Variants in MLH3 observed in about 807,000 individuals in gnomAD.
MLH3 encodes mutL homolog 3, also known as DNA mismatch repair protein Mlh3.
In MLH3, 82 loss-of-function variants were observed where a neutral mutation model predicts 122.2. That is an observed-to-expected ratio of 0.67 (90% CI 0.56 to 0.81). The LOEUF (loss-of-function observed/expected upper bound fraction) is 0.81. Among genes scored for constraint, MLH3 ranks in the 30% least tolerant of loss-of-function variants. The pLI, the probability that MLH3 is intolerant of heterozygous loss-of-function variation, is 0.00. For synonymous variants in MLH3, 524 were observed against 599.5 expected, an observed-to-expected ratio of 0.87 and a Z score of 1.84; for missense variants, 1,539 against 1,714.5, an observed-to-expected ratio of 0.90 and a Z score of 1.81.
chr14:75,028,270 T>G (rs1890790032), intron 9 of MLH3, among the ~76,000 whole-genome samples: 1 of 152,186 alleles, frequency 6.6e-6, no homozygotes. Flanking sequence ...ACTCTCCTGC[T>G]TAAAAGTTTT....
intron 6 of MLH3, among the ~76,000 whole-genome samples, chr14:75,035,408 G>A (rs1891339316): frequency 1.3e-5 from 2 of 152,126 alleles, no homozygotes; most frequent in Non-Finnish European, 2.9e-5. Context: ...TGTAATTCCA[G>A]CTACTTGGAA....
chr14:75,048,307 T>C lies in MLH3; in HGVS notation c.1349A>G (p.His450Arg). 6.2e-7 allele frequency: 1 copy of C among 1,614,122 alleles called. No individual in the cohort carries two copies. The change falls in exon 2 of 13, where the codon CAT becomes CGT. Residue 450 changes from histidine to arginine, a missense_variant. His to Arg is a conservative substitution (Grantham distance 29, BLOSUM62 0). Coordinates refer to ENST00000355774, the MANE Select transcript of MLH3 (RefSeq NM_001040108.2). ...TAAAGATGGCTCTGTCATTTTGCTA[T>C]GGCCTGGACCACCTGATTCATAAAT... ...LYIYESGGPG[H>R]SKMTEPSLQN...
In MLH3 at chr14:75,016,885, C is replaced by T. The variant is rs905081588; in HGVS notation, c.*197G>A. On this transcript the variant is annotated 3_prime_UTR_variant, in exon 13 of 13. Transcript: ENST00000355774. ...TGCAAATGAATGAATTGTCTTTAGG[C>T]TTGAATTTCATCTGGCTACTCAACT... 2.3e-5 allele frequency: 14 copies of T among 617,024 alleles called. No individual in the cohort carries two copies. The highest frequency in any genetic ancestry group is 3.8e-5 in the Non-Finnish European group (13 of 342,872). 38.2% of individuals were successfully genotyped at this position (617,024 alleles called of 1,614,324 possible). A position where few individuals can be genotyped will look rare whatever the true frequency, so the allele number is the denominator to read the frequency against.
At chr14:75,045,805 C>T (rs1318942549) in intron 2 of MLH3, among the ~76,000 whole-genome samples, 2 of 152,038 alleles carry the variant, frequency 1.3e-5, no homozygotes, top group African/African-American at 4.8e-5. Flanking sequence ...TACCCATCAC[C>T]CCCTTTCTTA....
intron 9 of MLH3, among the ~76,000 whole-genome samples, chr14:75,025,180 T>TTA (rs1441576108): frequency 1.3e-5 from 2 of 152,190 alleles, no homozygotes; most frequent in Admixed American, 6.5e-5. Flanking sequence ...TCCCAACCAC[T>TTA]TCTAACCTTT....
intron 4 of MLH3, among the ~76,000 whole-genome samples, chr14:75,040,700 TGAG>T (rs1891794416): frequency 6.6e-6 from 1 of 152,136 alleles, no homozygotes; most frequent in African/African-American, 2.4e-5. Context: ...GAAAATACAC[TGAG>T]GAGAGAACAT....
chr14:75,022,832 C>T lies in MLH3; in HGVS notation c.4072G>A (p.Ala1358Thr), dbSNP rs2139326967. ...GGCTTACCATGGCAGGCTTGGGATG[C>T]CAACACCTTCTGGACAGTCAGTGGC... ...TLPLTVQKVLASQACHGAIKF... is the reference protein window; with the variant it reads ...TLPLTVQKVLTSQACHGAIKF... The change falls in exon 11 of 13, where the codon GCA becomes ACA. Residue 1358 changes from alanine (A) to threonine (T), a missense_variant. Transcript: ENST00000355774. 6.2e-7 allele frequency: 1 copy of T among 1,614,066 alleles called. No homozygotes were observed. Among genetic ancestry groups the T allele is most frequent in the East Asian group, 2.2e-5 (1 of 44,878 alleles).
intron 2 of MLH3, among the ~76,000 whole-genome samples, chr14:75,044,337 T>C (rs1313157481): frequency 6.6e-6 from 1 of 152,232 alleles, no homozygotes; most frequent in Non-Finnish European, 1.5e-5. Context: ...GTTAAAGTGT[T>C]TTAAACGTCT....
chr14:75,035,062 C>CAAAAAAAAAAAAA (rs36096670), intron 6 of MLH3, among the ~76,000 whole-genome samples: 31 of 40,202 alleles, frequency 7.7e-4, no homozygotes, highest in Non-Finnish European at 1.0e-3. Flanking sequence ...GACTCCATCT[C>CAAAAAAAAAAAAA]AAAAAAAAAA....
chr14:75,031,815 C>T (rs904971108), intron 8 of MLH3, among the ~76,000 whole-genome samples: 1 of 151,898 alleles, frequency 6.6e-6, no homozygotes, highest in Non-Finnish European at 1.5e-5. Context: ...CCATGTCTCA[C>T]AAAATAAATA....
chr14:75,040,220 C>A (rs933073560), intron 4 of MLH3, among the ~76,000 whole-genome samples: 1 of 151,336 alleles, frequency 6.6e-6, no homozygotes, highest in Non-Finnish European at 1.5e-5. Context: ...GAGGCTGAGG[C>A]GGGCAGATCA....
chr14:75,038,068 T>G (rs1305762383), intron 6 of MLH3, among the ~76,000 whole-genome samples: 2 of 152,118 alleles, frequency 1.3e-5, no homozygotes, highest in African/African-American at 4.8e-5. Context: ...CCCAGCTAAT[T>G]TTTGTATTTT....
chr14:75,019,045 G>A, intron 11 of MLH3, 65 bp from the exon 12 acceptor site: 2 of 1,404,302 alleles, frequency 1.4e-6, no homozygotes, highest in Non-Finnish European at 2.0e-6. Flanking sequence ...CTGACCTTGG[G>A]TCACTGCCAA....
rs1595056532 is a variant in MLH3, at chr14:75,033,418, C to T, written c.3715+1G>A. ...TTTTCTGGCTGCAAACAGATCCTTA[C>T]CAATGATAAGCTGCTCCAGACGTAT... On this transcript the variant is annotated splice_donor_variant, in intron 7 of 12. Transcript: ENST00000355774. LOFTEE classifies it high-confidence loss of function. 1 of 1,614,002 alleles carries T rather than the reference C, an allele frequency of 6.2e-7. No individual in the cohort carries two copies. The highest frequency in any genetic ancestry group is 8.5e-7 in the Non-Finnish European group (1 of 1,179,928).
In MLH3 at chr14:75,015,179, C is replaced by T. The variant is rs528862907; in HGVS notation, c.*1903G>A. On this transcript the variant is annotated 3_prime_UTR_variant, in exon 13 of 13. Transcript: ENST00000355774. The stretch of plus-strand genomic sequence containing the variant: ...AGTTAAAAACAACATAAAACCCTAA[C>T]AGGCGATAAAGGTAATCTATTAGAT... 5.7e-5 allele frequency: 10 copies of T among 175,858 alleles called. No individual in the cohort carries two copies. Among genetic ancestry groups the T allele is most frequent in the African/African-American group, 2.4e-4 (10 of 42,312 alleles). The allele number at this position is 175,858 out of a possible 1,614,324, so 10.9% of individuals were successfully genotyped here.
Position 75,049,045 on chromosome 14 carries a change from G to A in MLH3, c.611C>T (p.Thr204Ile), listed in dbSNP as rs1407051217. Residue 204 changes from threonine to isoleucine, a missense_variant, in exon 2 of 13, where the codon ACC (threonine) becomes ATC (isoleucine). Thr to Ile is a moderately conservative substitution (Grantham distance 89). Coordinates refer to ENST00000355774, the MANE Select transcript of MLH3 (RefSeq NM_001040108.2). Reference sequence around the variant, plus strand: ...ACAAAATCGGGAACATACGTCTTTGGTTTTAGGGAGCTGAAGAACCATGGA... The same window carrying A: ...ACAAAATCGGGAACATACGTCTTTGATTTTAGGGAGCTGAAGAACCATGGA... ...SGSMVLQLPK[T>I]KDVCSRFCQI... The A allele has an allele frequency of 6.2e-7, 1 of 1,613,972 alleles. No individual in the cohort carries two copies. Among genetic ancestry groups the A allele is most frequent in the African/African-American group, 1.3e-5 (1 of 74,894 alleles).
chr14:75,032,169 C>T lies in MLH3; in HGVS notation c.3726G>A (p.Glu1242=), dbSNP rs368136738. ...RLEQLIIDSY[E]KQQAQGSGRK... ...GACCAGAGCCTTGTGCCTGTTGCTTCTCGTAGGAATCTATTGGCAGAAAGA... is the reference window on the plus strand; with the variant it reads ...GACCAGAGCCTTGTGCCTGTTGCTTTTCGTAGGAATCTATTGGCAGAAAGA... The change falls in exon 8 of 13, where the codon GAG becomes GAA. Residue 1242 remains glutamate (E), a synonymous_variant. Transcript: ENST00000355774. 92 of 1,608,316 alleles carry T rather than the reference C, an allele frequency of 5.7e-5. No homozygotes were observed. Among genetic ancestry groups the T allele is most frequent in the Non-Finnish European group, 7.7e-5 (90 of 1,174,904 alleles).
rs560563446 is a variant in MLH3 at position 75,017,948 on chromosome 14, C to T, written c.4243-747G>A. On this transcript the variant is annotated intron_variant, in intron 12 of 12. Coordinates refer to ENST00000355774, the MANE Select transcript of MLH3 (RefSeq NM_001040108.2). ...TTCACCTGAGGTCGGGAGTTCGAGA[C>T]CAGCCTGACCAACATGGAGAAACGC... 3.4e-4 allele frequency among the ~76,000 whole-genome samples: 52 copies of T among 150,770 alleles called. 2 individuals carry two copies. In the South Asian group the frequency reaches 0.011, roughly 31 times the overall value.
At position 75,016,263 on chromosome 14, in the gene MLH3, C is replaced by T. The variant is rs1013545687; in HGVS notation, c.*819G>A. 3.4e-5 allele frequency: 7 copies of T among 204,078 alleles called. No homozygotes were observed. Among genetic ancestry groups the T allele is most frequent in the Non-Finnish European group, 7.0e-5 (7 of 99,786 alleles). The allele number at this position is 204,078 out of a possible 1,614,324, so 12.6% of individuals were successfully genotyped here. On this transcript the variant is annotated 3_prime_UTR_variant, in exon 13 of 13. Coordinates refer to ENST00000355774, the MANE Select transcript of MLH3 (RefSeq NM_001040108.2). The stretch of plus-strand genomic sequence containing the variant: ...TGTAAAGATATTTGGTTAGGTTGAA[C>T]GTATGTATGCTGTGTTTTGATATGA...
Sources: gnomAD v4.1 joint callset for allele counts (sites outside exome capture counted in the v4.1 genomes callset) on GRCh38, gnomAD v4.1.1 for gene constraint, MANE v1.5 for transcripts, NCBI Gene and HGNC (gene_info 2026-07-23, HGNC 2026-07-21) for gene names.